ESRRG: variants seen among roughly 807,000 people sequenced by gnomAD.
ESRRG encodes estrogen related receptor gamma.
Under a neutral mutation model 44.0 loss-of-function variants are expected in ESRRG, and 13 were observed. The observed-to-expected ratio is 0.30, with a 90% CI of 0.19 to 0.47. ESRRG has a LOEUF of 0.47. Among genes scored for constraint, ESRRG ranks in the 20% least tolerant of loss-of-function variants. The pLI is 1.00. For synonymous variants in ESRRG, 215 were observed against 214.6 expected, an observed-to-expected ratio of 1.00 and a Z score of -0.02; for missense variants, 395 against 580.6, an observed-to-expected ratio of 0.68 and a Z score of 3.29.
At chr1:216,701,117 G>A (rs1049681282) in intron 1 of ESRRG, among the ~76,000 whole-genome samples, 1 of 109,580 alleles carries the variant, frequency 9.1e-6, no homozygotes, top group Non-Finnish European at 1.9e-5. Context: ...CCATTATTAA[G>A]AGCAAGTTTG....
chr1:216,849,790 T>C (rs1577221746), intron 2 of ESRRG, among the ~76,000 whole-genome samples: 1 of 152,230 alleles, frequency 6.6e-6, no homozygotes, highest in Non-Finnish European at 1.5e-5. Context: ...CTGGATTCCT[T>C]TGAAGTAGCT....
chr1:216,736,176 ATTTTTTTTT>A (rs34469625), intron 2 of ESRRG, among the ~76,000 whole-genome samples: 7 of 82,690 alleles, frequency 8.5e-5, no homozygotes, highest in East Asian at 8.6e-4. Context: ...GTTAAGGACT[ATTTTTTTTT>A]TTTTTTTTTT....
At chr1:216,960,397 C>T (rs1457517230) in intron 1 of ESRRG, among the ~76,000 whole-genome samples, 5 of 152,232 alleles carry the variant, frequency 3.3e-5, no homozygotes, top group African/African-American at 2.4e-5. Flanking sequence ...AACACCACCT[C>T]AAATTGTGTG....
At chr1:216,848,004 C>T (rs2095784647) in intron 2 of ESRRG, among the ~76,000 whole-genome samples, 1 of 152,090 alleles carries the variant, frequency 6.6e-6, no homozygotes, top group African/African-American at 2.4e-5. Flanking sequence ...CATTTAGAGG[C>T]AGATAATTCT....
intron 1 of ESRRG, among the ~76,000 whole-genome samples, chr1:217,009,969 G>T (rs1159586472): frequency 1.3e-5 from 2 of 152,014 alleles, no homozygotes; most frequent in African/African-American, 4.8e-5. Context: ...CTCCCAAAGT[G>T]CTGGGATTAC....
At chr1:216,875,249 A>C (rs1559948115) in intron 2 of ESRRG, among the ~76,000 whole-genome samples, 1 of 152,186 alleles carries the variant, frequency 6.6e-6, no homozygotes, top group Non-Finnish European at 1.5e-5. Context: ...ATTAAGTTTT[A>C]TATAGAAAAG....
chr1:216,584,610 G>A (rs2063420683), intron 3 of ESRRG, among the ~76,000 whole-genome samples: 1 of 152,146 alleles, frequency 6.6e-6, no homozygotes, highest in Admixed American at 6.5e-5. Flanking sequence ...AAACTCTTCT[G>A]AGCATTCCTT....
intron 5 of ESRRG, among the ~76,000 whole-genome samples, chr1:216,534,882 C>T (rs140688753): frequency 4.4e-4 from 67 of 152,230 alleles, no homozygotes; most frequent in Admixed American, 1.2e-3. Context: ...GCTCGTTTCA[C>T]GAATGCGACC....
intron 2 of ESRRG, among the ~76,000 whole-genome samples, chr1:216,653,585 G>T (rs2069575375): frequency 6.6e-6 from 1 of 151,974 alleles, no homozygotes; most frequent in Non-Finnish European, 1.5e-5. Flanking sequence ...ATCTATCTTT[G>T]CCACTTTTTC....
At chr1:217,072,571 C>G (rs566291316) in intron 1 of ESRRG, among the ~76,000 whole-genome samples, 35 of 152,332 alleles carry the variant, frequency 2.3e-4, no homozygotes, top group African/African-American at 8.2e-4. Context: ...GGAACCACTG[C>G]TCAGAATGGC....
intron 2 of ESRRG, among the ~76,000 whole-genome samples, chr1:216,871,291 T>C (rs2149214825): frequency 6.6e-6 from 1 of 152,186 alleles, no homozygotes; most frequent in East Asian, 1.9e-4. Context: ...CATTTTCCTA[T>C]CTTTCTCTTA....
chr1:216,965,015 A>C (rs1035165392), intron 1 of ESRRG, among the ~76,000 whole-genome samples: 3 of 152,226 alleles, frequency 2.0e-5, no homozygotes, highest in African/African-American at 7.2e-5. Flanking sequence ...CATTTTTTAA[A>C]AGAAATTCCA....
At chr1:216,675,089 G>T (rs1200859277) in intron 2 of ESRRG, among the ~76,000 whole-genome samples, 3 of 152,088 alleles carry the variant, frequency 2.0e-5, no homozygotes, top group Non-Finnish European at 4.4e-5. Context: ...GGCCGGGCAC[G>T]GTGGCTCATG....
intron 3 of ESRRG, among the ~76,000 whole-genome samples, chr1:216,616,212 G>C (rs1321129248): frequency 1.3e-5 from 2 of 152,108 alleles, no homozygotes; most frequent in Non-Finnish European, 2.9e-5. Context: ...GACTTGGAAA[G>C]TAACTACCTC....
intron 2 of ESRRG, among the ~76,000 whole-genome samples, chr1:216,779,351 A>ATATATATTTATATTTATAAACATT (rs1350890442): frequency 1.6e-5 from 1 of 63,132 alleles, no homozygotes; most frequent in African/African-American, 5.9e-5. Context: ...ATAAACATAA[A>ATATATATTTATATTTATAAACATT]ATATTTATAT....
chr1:216,610,763 GA>G (rs2150308408), intron 3 of ESRRG, among the ~76,000 whole-genome samples: 1 of 152,160 alleles, frequency 6.6e-6, no homozygotes, highest in South Asian at 2.1e-4. Context: ...CTAATCCTGT[GA>G]AAAACATTGT....
chr1:217,028,583 G>A (rs1054908709), intron 1 of ESRRG, among the ~76,000 whole-genome samples: 13 of 152,128 alleles, frequency 8.5e-5, no homozygotes, highest in African/African-American at 2.7e-4. Context: ...TTATGTCTTT[G>A]GGAATAGCAC....
At chr1:216,579,546 T>C (rs1042434297) in intron 3 of ESRRG, among the ~76,000 whole-genome samples, 2 of 152,096 alleles carry the variant, frequency 1.3e-5, no homozygotes, top group Admixed American at 6.6e-5. Flanking sequence ...TGTGAAAATA[T>C]AGAAAACACC....
At chr1:216,967,688 G>GCTA (rs1255405116) in intron 1 of ESRRG, among the ~76,000 whole-genome samples, 1 of 152,192 alleles carries the variant, frequency 6.6e-6, no homozygotes, top group African/African-American at 2.4e-5. Flanking sequence ...GAATACAGCT[G>GCTA]CTATAAGCAT....
Sources: gnomAD v4.1 joint callset for allele counts (sites outside exome capture counted in the v4.1 genomes callset) on GRCh38, gnomAD v4.1.1 for gene constraint, MANE v1.5 for transcripts, NCBI Gene and HGNC (gene_info 2026-07-23, HGNC 2026-07-21) for gene names.